RAPGEF6: variants seen among roughly 807,000 people sequenced by gnomAD.
The protein encoded by RAPGEF6 is Rap guanine nucleotide exchange factor 6.
A neutral mutation model predicts 171.4 loss-of-function variants in RAPGEF6; 56 were observed. The observed-to-expected ratio is 0.33, with a 90% CI of 0.26 to 0.41. RAPGEF6 has a LOEUF of 0.41. Ranked by LOEUF, RAPGEF6 falls within the 10% of genes least tolerant of loss-of-function variation. RAPGEF6 has a pLI of 1.00. For missense variants in RAPGEF6, 1,674 were observed against 1,921.4 expected (o/e 0.87, Z 2.41); for synonymous variants, 692 against 650.1 (o/e 1.06, Z -0.98).
At chr5:131,581,186 C>A (rs1409040497) in intron 4 of RAPGEF6, among the ~76,000 whole-genome samples, 8 of 152,188 alleles carry the variant, frequency 5.3e-5, no homozygotes, top group African/African-American at 1.9e-4. Flanking sequence ...GATTTACTCA[C>A]TGCTGAAAAA....
intron 4 of RAPGEF6, among the ~76,000 whole-genome samples, chr5:131,583,707 A>G (rs1427553041): frequency 6.6e-6 from 1 of 152,076 alleles, no homozygotes; most frequent in Admixed American, 6.6e-5. Flanking sequence ...CTGTAGCCCA[A>G]CCACCTTAGG....
chr5:131,521,840 TACACACAC>T lies in RAPGEF6; in HGVS notation c.496-327_496-320del, dbSNP rs3992018. Among the ~76,000 whole-genome samples, 476 of 97,238 alleles carry T rather than the reference TACACACAC, an allele frequency of 4.9e-3. 5 individuals are homozygous for T. Among genetic ancestry groups the T allele is most frequent in the African/African-American group, 0.013 (398 of 29,754 alleles). The allele number at this position is 97,238 out of a possible 152,430, so 63.8% of individuals were successfully genotyped here. ...CCATTTAAGGGTAGGAATGTTACCC[TACACACAC>T]ACACACACACACACACACACACACA... is the stretch of plus-strand genomic sequence containing the variant. On this transcript the variant is annotated intron_variant, in intron 6 of 27. Coordinates refer to ENST00000509018, the MANE Select transcript of RAPGEF6 (RefSeq NM_016340.6).
chr5:131,607,744 T>C (rs987575529), intron 1 of RAPGEF6, among the ~76,000 whole-genome samples: 1 of 152,132 alleles, frequency 6.6e-6, no homozygotes, highest in African/African-American at 2.4e-5. Flanking sequence ...ATAAACACTA[T>C]GAAGACTCAA....
intron 1 of RAPGEF6, among the ~76,000 whole-genome samples, chr5:131,626,947 A>G (rs1765968203): frequency 1.3e-5 from 2 of 152,230 alleles, no homozygotes; most frequent in Admixed American, 1.3e-4. Context: ...CAAGAGTAGA[A>G]CATAATCAGA....
At chr5:131,471,772 G>T (rs1436139042) in intron 17 of RAPGEF6, among the ~76,000 whole-genome samples, 2 of 151,988 alleles carry the variant, frequency 1.3e-5, no homozygotes, top group East Asian at 3.9e-4. Context: ...TCCCACACTG[G>T]AAGTCCAAAC....
intron 11 of RAPGEF6, 122 bp from the exon 12 acceptor site, chr5:131,498,729 C>T (rs1019376990): frequency 1.1e-6 from 1 of 877,192 alleles, no homozygotes; most frequent in African/African-American, 1.7e-5. Flanking sequence ...TACAGTTTCG[C>T]CTTTAAATCC....
chr5:131,479,798 A>G (rs747594028), intron 15 of RAPGEF6, 45 bp from the exon 16 acceptor site: 1 of 1,581,280 alleles, frequency 6.3e-7, no homozygotes, highest in Non-Finnish European at 8.6e-7. Flanking sequence ...TTCTCTTCAG[A>G]AAATTTTTAT....
intron 17 of RAPGEF6, among the ~76,000 whole-genome samples, chr5:131,470,954 T>A (rs1296987427): frequency 1.3e-5 from 2 of 152,190 alleles, no homozygotes; most frequent in East Asian, 3.8e-4. Flanking sequence ...GGGGTTCAGG[T>A]CAGCAACACT....
rs2149870797 is a variant in RAPGEF6, at chr5:131,489,444, A to C, written c.1840+102T>G. The C allele has an allele frequency of 4.3e-6, 3 of 693,886 alleles. No homozygotes were observed. The South Asian group carries it at 5.5e-5, about 13-fold the overall frequency. 43.0% of individuals were successfully genotyped at this position (693,886 alleles called of 1,614,324 possible). A position where few individuals can be genotyped will look rare whatever the true frequency, so the allele number is the denominator to read the frequency against. On this transcript the variant is annotated intron_variant, in intron 15 of 27. Transcript: ENST00000509018. ...CTGAAACTAGCTGAAGAGCTTAGAC[A>C]AAAACATGTTTATATTTTACTATCT...
chr5:131,609,398 G>A (rs931245898), intron 1 of RAPGEF6, among the ~76,000 whole-genome samples: 1 of 152,150 alleles, frequency 6.6e-6, no homozygotes, highest in African/African-American at 2.4e-5. Flanking sequence ...GACACAGGAT[G>A]GAGACATGGG....
chr5:131,572,049 C>A (rs965724922), intron 4 of RAPGEF6, among the ~76,000 whole-genome samples: 1 of 152,160 alleles, frequency 6.6e-6, no homozygotes, highest in African/African-American at 2.4e-5. Context: ...GATAATCCCA[C>A]CACCTTTCAC....
chr5:131,612,345 G>C (rs1373385930), intron 1 of RAPGEF6, among the ~76,000 whole-genome samples: 1 of 150,580 alleles, frequency 6.6e-6, no homozygotes, highest in African/African-American at 2.4e-5. Flanking sequence ...TTATAAAATA[G>C]GCTTTGCGTT....
Position 131,548,109 on chromosome 5 carries a change from T to C in RAPGEF6, c.433A>G (p.Ile145Val). The part of the protein sequence containing the change: ...ARQSRRRFRK[I>V]NYKGERQTIT... ...GTTTGGCGCTCTCCTTTATAGTTAA[T>C]TTTCCGAAATCTTCTTCGGGATTGT... is the stretch of plus-strand genomic sequence containing the variant. Residue 145 changes from isoleucine to valine, a missense_variant, in exon 6 of 28, where the codon ATT becomes GTT. Around this residue, in one of 3 missense-constraint regions of RAPGEF6, gnomAD observed 1,116 missense variants for 1,321.5 expected, o/e 0.84. Coordinates refer to ENST00000509018, the MANE Select transcript of RAPGEF6 (RefSeq NM_016340.6). 3 of 1,614,084 alleles carry C rather than the reference T, an allele frequency of 1.9e-6. No individual in the cohort carries two copies. Among genetic ancestry groups the C allele is most frequent in the Non-Finnish European group, 2.5e-6 (3 of 1,179,990 alleles).
At chr5:131,471,455 G>A (rs1754731242) in intron 17 of RAPGEF6, among the ~76,000 whole-genome samples, 1 of 152,096 alleles carries the variant, frequency 6.6e-6, no homozygotes, top group African/African-American at 2.4e-5. Flanking sequence ...ATACCGAGAT[G>A]GAACTAAGTT....
chr5:131,594,203 G>A (rs928378853), intron 3 of RAPGEF6, among the ~76,000 whole-genome samples: 6 of 152,208 alleles, frequency 3.9e-5, no homozygotes, highest in African/African-American at 9.6e-5. Context: ...CAGATTTACC[G>A]CATGCTGTTC....
chr5:131,446,903 A>G (rs189153878), intron 21 of RAPGEF6, 200 bp from the exon 22 acceptor site: 7 of 548,246 alleles, frequency 1.3e-5, no homozygotes, highest in Non-Finnish European at 2.2e-5. Context: ...AAAGTACAGA[A>G]TTCAAAAGAA....
At chr5:131,512,868 G>A (rs1447418464) in intron 7 of RAPGEF6, among the ~76,000 whole-genome samples, 1 of 152,162 alleles carries the variant, frequency 6.6e-6, no homozygotes, top group African/African-American at 2.4e-5. Context: ...CTAACAATCA[G>A]AAAGAGGTCT....
chr5:131,440,350 G>A, intron 23 of RAPGEF6: 2 of 398,798 alleles, frequency 5.0e-6, no homozygotes, highest in South Asian at 3.7e-5. Context: ...TCTGTTTAGT[G>A]TACCTCAAAC....
chr5:131,486,761 G>C (rs1024192865), intron 15 of RAPGEF6, among the ~76,000 whole-genome samples: 1 of 130,870 alleles, frequency 7.6e-6, no homozygotes, highest in African/African-American at 2.9e-5. Flanking sequence ...ATAGAGTCTC[G>C]CTCTGTCCCC....
Sources: gnomAD v4.1 joint callset for allele counts (sites outside exome capture counted in the v4.1 genomes callset) on GRCh38, gnomAD v4.1.1 for gene constraint, gnomAD v4.1.1 regional missense constraint, MANE v1.5 for transcripts, NCBI Gene and HGNC (gene_info 2026-07-23, HGNC 2026-07-21) for gene names.